VRK1: variants seen among roughly 807,000 people sequenced by gnomAD.
VRK1 encodes VRK serine/threonine kinase 1.
A neutral mutation model predicts 57.1 loss-of-function variants in VRK1; 33 were observed. The observed-to-expected ratio is 0.58, with a 90% CI of 0.44 to 0.77. VRK1 has a LOEUF of 0.77. VRK1 is among the 30% of genes least tolerant of loss of function. The probability of loss-of-function intolerance (pLI) is 0.00; values close to 1 mark genes in which losing one functional copy is unlikely to be tolerated. For synonymous variants in VRK1, 137 were observed against 147.8 expected, an observed-to-expected ratio of 0.93 and a Z score of 0.53; for missense variants, 413 against 477.3, an observed-to-expected ratio of 0.87 and a Z score of 1.25.
In VRK1 at chr14:96,862,479, A is replaced by G. The variant is rs926276888; in HGVS notation, c.1068+1744A>G. Reference sequence around the variant, plus strand: ...TAAGATCATGAGCTGCTTGATAGCCATGTAACTGAAGTGAGTTATTAATTT... The same window carrying G: ...TAAGATCATGAGCTGCTTGATAGCCGTGTAACTGAAGTGAGTTATTAATTT... On this transcript the variant is annotated intron_variant, in intron 11 of 12. Coordinates refer to ENST00000216639, the MANE Select transcript of VRK1 (RefSeq NM_003384.3). Among the ~76,000 whole-genome samples the G allele has an allele frequency of 5.4e-5, 8 of 149,044 alleles. No homozygotes were observed. The South Asian group carries it at 1.5e-3, about 29-fold the overall frequency.
chr14:96,816,142 T>C (rs1270536307), intron 1 of VRK1, among the ~76,000 whole-genome samples: 1 of 152,110 alleles, frequency 6.6e-6, no homozygotes, highest in Non-Finnish European at 1.5e-5. Flanking sequence ...GGGGCCCCCG[T>C]TGTCCAGTGG....
intron 2 of VRK1, among the ~76,000 whole-genome samples, chr14:96,836,897 T>C (rs1887240424): frequency 1.3e-5 from 2 of 152,136 alleles, no homozygotes; most frequent in African/African-American, 4.8e-5. Flanking sequence ...GCTTATTCCC[T>C]TCCTGCTCTC....
rs1888275718 is a variant in VRK1 at position 96,858,988 on chromosome 14, G to A, written c.890-1569G>A. On this transcript the variant is annotated intron_variant, in intron 10 of 12. Coordinates refer to ENST00000216639, the MANE Select transcript of VRK1 (RefSeq NM_003384.3). ...TCTGTAGACCAATTTGGGGAGCACT[G>A]ACATCTTTATACTGTTGAGTCTTCC... 3 of 152,260 alleles carry A rather than the reference G, an allele frequency of 2.0e-5. 1 individual carries two copies. The South Asian group carries it at 6.2e-4, about 32-fold the overall frequency. 9.4% of individuals were successfully genotyped at this position (152,260 alleles called of 1,614,324 possible).
At chr14:96,828,566 C>T (rs1456945641) in intron 1 of VRK1, among the ~76,000 whole-genome samples, 1 of 152,150 alleles carries the variant, frequency 6.6e-6, no homozygotes, top group Non-Finnish European at 1.5e-5. Flanking sequence ...TTGTCTATGG[C>T]TATACCACCC....
chr14:96,878,814 A>G (rs1466368534), intron 12 of VRK1, among the ~76,000 whole-genome samples: 1 of 152,154 alleles, frequency 6.6e-6, no homozygotes, highest in Non-Finnish European at 1.5e-5. Context: ...TTTTCCCCTC[A>G]CAAAATGAGG....
intron 11 of VRK1, among the ~76,000 whole-genome samples, chr14:96,867,440 C>T (rs1320355407): frequency 2.0e-5 from 3 of 148,270 alleles, no homozygotes; most frequent in Admixed American, 6.8e-5. Flanking sequence ...TGGCATTCTG[C>T]AGATATCTGT....
chr14:96,836,808 T>G (rs1566698609), intron 2 of VRK1, among the ~76,000 whole-genome samples: 1 of 152,098 alleles, frequency 6.6e-6, no homozygotes, highest in Non-Finnish European at 1.5e-5. Flanking sequence ...GGATTACAAG[T>G]GTGAGCCATT....
chr14:96,824,495 G>T (rs1478809950), intron 1 of VRK1, among the ~76,000 whole-genome samples: 2 of 152,106 alleles, frequency 1.3e-5, no homozygotes, highest in South Asian at 4.1e-4. Flanking sequence ...CTCAGCAAGG[G>T]TTATTAGAGA....
chr14:96,847,170 T>A (rs954681426), intron 4 of VRK1, 87 bp from the exon 5 acceptor site: 1 of 1,021,694 alleles, frequency 9.8e-7, no homozygotes, highest in Non-Finnish European at 1.5e-6. Flanking sequence ...ATTGCATGTA[T>A]AAATACATTT....
Position 96,860,691 on chromosome 14 carries a change from A to T in VRK1, c.1024A>T (p.Ser342Cys), listed in dbSNP as rs2139815041. The change falls in exon 11 of 13, where the codon AGT (serine) becomes TGT (cysteine). Residue 342 changes from serine to cysteine, a missense_variant. Transcript: ENST00000216639. ...GSKDDGKLDL[S>C]VVENGGLKAK... The stretch of plus-strand genomic sequence containing the variant: ...TAAGGATGATGGCAAATTGGACCTC[A>T]GTGTTGTGGAGAATGGAGGTTTGAA... The T allele has an allele frequency of 4.3e-6, 7 of 1,613,330 alleles. No individual in the cohort carries two copies. The highest frequency in any genetic ancestry group is 5.9e-6 in the Non-Finnish European group (7 of 1,179,526).
intron 1 of VRK1, among the ~76,000 whole-genome samples, chr14:96,804,721 G>A (rs564628686): frequency 2.6e-5 from 4 of 152,322 alleles, no homozygotes; most frequent in African/African-American, 4.8e-5. Context: ...GCAGTGATAC[G>A]TTGGTAGGAA....
Position 96,809,048 on chromosome 14 carries a change from G to A in VRK1, c.-6+11601G>A, listed in dbSNP as rs148584428. ...CTACATGTGGGGTCAGGAGGTTTTG[G>A]CTTTTCACAGCATGTTGGCTGAGTA... On this transcript the variant is annotated intron_variant, in intron 1 of 12. Coordinates refer to ENST00000216639, the MANE Select transcript of VRK1 (RefSeq NM_003384.3). Among the ~76,000 whole-genome samples the A allele has an allele frequency of 8.1e-4, 123 of 151,746 alleles. 1 individual carries two copies. The highest frequency in any genetic ancestry group is 3.4e-3 in the Middle Eastern group (1 of 294).
chr14:96,865,697 T>G (rs1312900431), intron 11 of VRK1, among the ~76,000 whole-genome samples: 1 of 152,130 alleles, frequency 6.6e-6, no homozygotes, highest in Admixed American at 6.6e-5. Flanking sequence ...TTTGTAGTCT[T>G]CTGTGTCTGT....
At chr14:96,862,811 T>C (rs1383991823) in intron 11 of VRK1, among the ~76,000 whole-genome samples, 1 of 152,202 alleles carries the variant, frequency 6.6e-6, no homozygotes, top group Non-Finnish European at 1.5e-5. Context: ...AACTGTTAAT[T>C]TTAATAATTA....
chr14:96,852,171 C>G (rs1687976245), intron 5 of VRK1, among the ~76,000 whole-genome samples: 1 of 152,202 alleles, frequency 6.6e-6, no homozygotes, highest in Non-Finnish European at 1.5e-5. Context: ...AGTCCCTGCT[C>G]TCTCATTTTA....
chr14:96,822,986 C>T (rs756873041), intron 1 of VRK1, among the ~76,000 whole-genome samples: 1 of 152,166 alleles, frequency 6.6e-6, no homozygotes, highest in Non-Finnish European at 1.5e-5. Context: ...CAACTCGTCC[C>T]TCTGCCTATA....
At chr14:96,859,068 A>C (rs1797065546) in intron 10 of VRK1, 1 of 152,058 alleles carries the variant, frequency 6.6e-6, no homozygotes, top group African/African-American at 2.4e-5. Flanking sequence ...AATTTCTCTC[A>C]ACTGTGTTTT....
Position 96,852,511 on chromosome 14 carries a change from C to T in VRK1, c.375-320C>T, listed in dbSNP as rs531911234. On this transcript the variant is annotated intron_variant, in intron 5 of 12. Transcript: ENST00000216639. Reference sequence around the variant, plus strand: ...TAACTATGAGAAAAATCAATGCTGTCATTTTTATTCAGCTTGTTTTATTTT... The same window carrying T: ...TAACTATGAGAAAAATCAATGCTGTTATTTTTATTCAGCTTGTTTTATTTT... Among the ~76,000 whole-genome samples the T allele has an allele frequency of 5.3e-4, 81 of 152,200 alleles. 1 individual carries two copies. The highest frequency in any genetic ancestry group is 2.9e-3 in the East Asian group (15 of 5,180).
At chr14:96,861,243 T>C (rs1888379558) in intron 11 of VRK1, among the ~76,000 whole-genome samples, 1 of 152,186 alleles carries the variant, frequency 6.6e-6, no homozygotes, top group East Asian at 1.9e-4. Flanking sequence ...AGGGGATTAA[T>C]TGTTTGGAGA....
Sources: gnomAD v4.1 joint callset for allele counts (sites outside exome capture counted in the v4.1 genomes callset) on GRCh38, gnomAD v4.1.1 for gene constraint, MANE v1.5 for transcripts, NCBI Gene and HGNC (gene_info 2026-07-23, HGNC 2026-07-21) for gene names.